ALPK2: variants seen among roughly 807,000 people sequenced by gnomAD.
The protein encoded by ALPK2 is alpha-protein kinase 2.
Under a neutral mutation model 163.1 loss-of-function variants are expected in ALPK2, and 127 were observed. The observed-to-expected ratio is 0.78, with a 90% confidence interval of 0.67 to 0.90. ALPK2 has a LOEUF of 0.90. Among genes scored for constraint, ALPK2 ranks in the 40% least tolerant of loss-of-function variants. The pLI, the probability that ALPK2 is intolerant of heterozygous loss-of-function variation, is 0.00. For synonymous variants in ALPK2, 953 were observed against 959.1 expected (o/e 0.99, Z 0.12); for missense variants, 2,360 against 2,589.6 (o/e 0.91, Z 1.92).
intron 5 of ALPK2, among the ~76,000 whole-genome samples, chr18:58,531,729 A>G (rs2144140963): frequency 1.3e-5 from 2 of 150,814 alleles, no homozygotes; most frequent in Middle Eastern, 6.8e-3. Flanking sequence ...CACAAGGTCA[A>G]GAGATCTAGA....
chr18:58,538,360 C>T, intron 4 of ALPK2, 136 bp from the exon 5 acceptor site: 7 of 824,378 alleles, frequency 8.5e-6, no homozygotes, highest in Non-Finnish European at 1.3e-5. Flanking sequence ...AACATTAATC[C>T]CCCAACTCCC....
chr18:58,543,641 C>T (rs2051702725), intron 4 of ALPK2, among the ~76,000 whole-genome samples: 3 of 152,182 alleles, frequency 2.0e-5, no homozygotes, highest in Admixed American at 2.0e-4. Context: ...CTTCCAGTGC[C>T]TTCTGCTGAG....
intron 1 of ALPK2, among the ~76,000 whole-genome samples, chr18:58,624,222 G>A (rs2052216869): frequency 6.6e-6 from 1 of 152,146 alleles, no homozygotes; most frequent in East Asian, 1.9e-4. Flanking sequence ...CAAAGCTTAG[G>A]TTGTTCACTC....
At position 58,536,083 on chromosome 18, in the gene ALPK2, A is replaced by G. The variant is rs2051645176; in HGVS notation, c.4104T>C (p.Asn1368=). The stretch of plus-strand genomic sequence containing the variant: ...CCTGGTCTTGACTCACATTGTTAAC[A>G]TTTTCCTTCCCTCCAGTTTCAGAAG... ...SAASETGGKE[N]VNNVSQDQEE... is the part of the protein sequence containing the mutation. The change falls in exon 5 of 13, where the codon AAT becomes AAC. Residue 1368 remains asparagine, a synonymous_variant. Transcript: ENST00000361673. 6.2e-7 allele frequency: 1 copy of G among 1,613,776 alleles called. No individual in the cohort carries two copies. Among genetic ancestry groups the G allele is most frequent in the Admixed American group, 1.7e-5 (1 of 59,964 alleles).
At chr18:58,557,417 G>A (rs8090479) in intron 4 of ALPK2, among the ~76,000 whole-genome samples, 21,782 of 151,818 alleles carry the variant, frequency 0.14, 1,836 homozygotes, top group African/African-American at 0.23. Context: ...TAAATCATGG[G>A]CTTTGGGTGA....
chr18:58,575,059 C>G (rs901345839), intron 4 of ALPK2, among the ~76,000 whole-genome samples: 3 of 151,870 alleles, frequency 2.0e-5, no homozygotes, highest in African/African-American at 7.3e-5. Context: ...ACTAAGAATA[C>G]AAAATTAGCC....
At chr18:58,483,446 TCCCTCCTCC>T in intron 12 of ALPK2, among the ~76,000 whole-genome samples, 1 of 152,180 alleles carries the variant, frequency 6.6e-6, no homozygotes, top group East Asian at 1.9e-4. Context: ...GTGTCCAAGC[TCCCTCCTCC>T]CAAAAGTTTC....
intron 4 of ALPK2, among the ~76,000 whole-genome samples, chr18:58,563,881 T>G (rs1303349765): frequency 6.6e-6 from 1 of 152,130 alleles, no homozygotes; most frequent in African/African-American, 2.4e-5. Flanking sequence ...GGGCCAAAAT[T>G]TACATGTTAA....
At chr18:58,580,666 G>C in intron 3 of ALPK2, 118 bp from the exon 4 acceptor site, 4 of 992,498 alleles carry the variant, frequency 4.0e-6, no homozygotes, top group Non-Finnish European at 5.9e-6. Flanking sequence ...AAGGAGATCT[G>C]TGATCTCCCT....
intron 12 of ALPK2, among the ~76,000 whole-genome samples, chr18:58,484,301 C>CT (rs1340643975): frequency 1.3e-5 from 2 of 152,170 alleles, no homozygotes; most frequent in African/African-American, 4.8e-5. Flanking sequence ...TAGCCAAGCA[C>CT]TGTGCTTGAG....
chr18:58,544,479 A>C (rs2051707294), intron 4 of ALPK2: 1 of 152,230 alleles, frequency 6.6e-6, no homozygotes, highest in Non-Finnish European at 1.5e-5. Flanking sequence ...GTATGAGATA[A>C]GATCCCTCTC....
Position 58,535,560 on chromosome 18 carries a change from T to C in ALPK2, c.4627A>G (p.Ser1543Gly), listed in dbSNP as rs778607743. ...GCGTGAGTCATTATTGGAAGACAAC[T>C]AGAAAGAGGTGAAGTGGGGGAAATC... Reference protein sequence around the residue: ...ELISPTSPLSSCLPIMTHASL... With the variant: ...ELISPTSPLSGCLPIMTHASL... The change falls in exon 5 of 13, where the codon AGT (serine) becomes GGT (glycine). Residue 1543 changes from serine to glycine, a missense_variant. Physicochemically the swap from Ser to Gly is moderately conservative, Grantham distance 56. Transcript: ENST00000361673. 9.3e-6 allele frequency: 15 copies of C among 1,614,228 alleles called. No homozygotes were observed. The South Asian group carries it at 1.6e-4, about 18-fold the overall frequency.
rs373041085 is a variant in ALPK2 at position 58,580,047 on chromosome 18, C to A, written c.729G>T (p.Thr243=). The A allele has an allele frequency of 1.2e-6, 2 of 1,614,230 alleles. No homozygotes were observed. The highest frequency in any genetic ancestry group is 1.3e-5 in the African/African-American group (1 of 75,058). Residue 243 remains threonine, a synonymous_variant, in exon 4 of 13, where the codon ACG becomes ACT. Transcript: ENST00000361673. ...KTVHSMASKF[T]DGDLNNDGPH... is the part of the protein sequence containing the mutation. ...GACCATCATTGTTCAGGTCACCATCCGTGAACTTTGATGCCATGGAATGCA... is the reference window on the plus strand; with the variant it reads ...GACCATCATTGTTCAGGTCACCATCAGTGAACTTTGATGCCATGGAATGCA...
chr18:58,618,115 G>A (rs1371965369), intron 1 of ALPK2, among the ~76,000 whole-genome samples: 5 of 152,126 alleles, frequency 3.3e-5, no homozygotes, highest in East Asian at 1.9e-4. Context: ...GCACGATCTC[G>A]GGTCACGGCA....
At chr18:58,594,244 C>T (rs2052030491) in intron 3 of ALPK2, among the ~76,000 whole-genome samples, 1 of 151,960 alleles carries the variant, frequency 6.6e-6, no homozygotes, top group East Asian at 1.9e-4. Flanking sequence ...CGCAGACCCA[C>T]CAGAGATTCT....
chr18:58,542,784 G>A, intron 4 of ALPK2, among the ~76,000 whole-genome samples: 1 of 152,206 alleles, frequency 6.6e-6, no homozygotes, highest in Non-Finnish European at 1.5e-5. Context: ...GTGCAGGCCA[G>A]GAGTAGGTGG....
intron 3 of ALPK2, among the ~76,000 whole-genome samples, chr18:58,592,569 G>C (rs1004103313): frequency 4.6e-5 from 7 of 152,232 alleles, no homozygotes; most frequent in Admixed American, 4.6e-4. Flanking sequence ...AGGAGGTAGG[G>C]CTGGGGGAGA....
At chr18:58,592,348 C>A (rs2052018775) in intron 3 of ALPK2, among the ~76,000 whole-genome samples, 1 of 152,224 alleles carries the variant, frequency 6.6e-6, no homozygotes, top group South Asian at 2.1e-4. Flanking sequence ...GCCAAGGCAG[C>A]CAGCACTTCT....
intron 12 of ALPK2, among the ~76,000 whole-genome samples, chr18:58,489,996 G>T (rs990768209): frequency 1.3e-5 from 2 of 151,838 alleles, no homozygotes; most frequent in African/African-American, 2.4e-5. Context: ...CAGGAGAATC[G>T]CTTGAATGAG....
Sources: gnomAD v4.1 joint callset for allele counts (sites outside exome capture counted in the v4.1 genomes callset) on GRCh38, gnomAD v4.1.1 for gene constraint, MANE v1.5 for transcripts, NCBI Gene and HGNC (gene_info 2026-07-23, HGNC 2026-07-21) for gene names.